The following KIAA1549L variants were observed in gnomAD, a reference collection of about 807,000 sequenced individuals.
KIAA1549L encodes UPF0606 protein KIAA1549L.
KIAA1549L carries 88 observed loss-of-function variants against 160.7 expected under a neutral mutation model. The ratio of observed to expected loss-of-function variants is 0.55; its 90% CI spans 0.46 to 0.65. The LOEUF is 0.65. KIAA1549L is among the 30% of genes least tolerant of loss of function. The pLI, the probability that KIAA1549L is intolerant of heterozygous loss-of-function variation, is 0.00. For synonymous variants in KIAA1549L, 950 were observed against 976.7 expected (o/e 0.97, Z 0.51); for missense variants, 2,258 against 2,437.5 (o/e 0.93, Z 1.55).
rs144505381 is a variant in KIAA1549L at position 33,462,976 on chromosome 11, G to A, written c.239-78826G>A. The stretch of plus-strand genomic sequence containing the variant: ...CGAGTAGCCAGGACTCCAGGTGTGC[G>A]CCACCATGCCTGGCTAATTCTTTTT... On this transcript the variant is annotated intron_variant, in intron 1 of 20. Transcript: ENST00000658780. 2.2e-3 allele frequency among the ~76,000 whole-genome samples: 338 copies of A among 152,040 alleles called. 1 individual carries two copies. Among genetic ancestry groups the A allele is most frequent in the African/African-American group, 7.6e-3 (314 of 41,478 alleles).
intron 16 of KIAA1549L, among the ~76,000 whole-genome samples, chr11:33,626,750 CCTT>C (rs1851124676): frequency 1.6e-5 from 1 of 63,554 alleles, no homozygotes; most frequent in Non-Finnish European, 3.0e-5. Context: ...CCCTTTATTT[CCTT>C]CTCCTGCCTA....
At chr11:33,381,189 TGACGATGCAAGTTTGTG>T (rs970657771) in intron 1 of KIAA1549L, among the ~76,000 whole-genome samples, 3 of 152,110 alleles carry the variant, frequency 2.0e-5, no homozygotes, top group African/African-American at 7.2e-5. Context: ...TGAGTAATAC[TGACGATGCAAGTTTGTG>T]GACCCCATTT....
rs894288286 is a variant in KIAA1549L at position 33,543,110 on chromosome 11, C to T, written c.1547C>T (p.Ser516Phe). ...TFLQPTENHA[S>F]PSPVPEMPTL... ...CTCCAGCCCACAGAGAATCATGCCT[C>T]CCCATCTCCTGTGCCAGAAATGCCC... Residue 516 changes from serine (S) to phenylalanine (F), a missense_variant, in exon 2 of 21, where the codon TCC becomes TTC. Physicochemically the swap from Ser to Phe is radical, Grantham distance 155. Transcript: ENST00000658780. The T allele has an allele frequency of 3.1e-6, 5 of 1,613,770 alleles. No homozygotes were observed. The Admixed American group carries it at 8.3e-5, about 27-fold the overall frequency.
chr11:33,481,890 AGCCCATG>A (rs1454144094), intron 1 of KIAA1549L, among the ~76,000 whole-genome samples: 1 of 152,206 alleles, frequency 6.6e-6, no homozygotes, highest in Non-Finnish European at 1.5e-5. Context: ...GCACCTTTTA[AGCCCATG>A]GGCTCATCCC....
At chr11:33,613,589 T>C (rs1312691359) in intron 15 of KIAA1549L, among the ~76,000 whole-genome samples, 5 of 152,104 alleles carry the variant, frequency 3.3e-5, no homozygotes, top group Admixed American at 6.6e-5. Flanking sequence ...AACAACCAGA[T>C]GTCGCGAGAA....
chr11:33,640,522 A>G (rs550590499), intron 16 of KIAA1549L, among the ~76,000 whole-genome samples: 2 of 152,242 alleles, frequency 1.3e-5, no homozygotes, highest in Non-Finnish European at 2.9e-5. Flanking sequence ...GAAGTGGAAG[A>G]AGGAGAAACT....
At chr11:33,513,515 TTTC>T (rs1275195308) in intron 1 of KIAA1549L, among the ~76,000 whole-genome samples, 1 of 152,174 alleles carries the variant, frequency 6.6e-6, no homozygotes, top group Non-Finnish European at 1.5e-5. Context: ...TTTCTTTCTG[TTTC>T]TTCTTCTCTC....
intron 15 of KIAA1549L, 90 bp downstream of exon 15, chr11:33,610,056 G>C: frequency 1.1e-6 from 1 of 932,446 alleles, no homozygotes; most frequent in Non-Finnish European, 1.7e-6. Flanking sequence ...TCCTTATCTG[G>C]TACTGTAGGA....
chr11:33,558,571 A>G (rs1685686745), intron 6 of KIAA1549L, among the ~76,000 whole-genome samples: 1 of 152,196 alleles, frequency 6.6e-6, no homozygotes, highest in African/African-American at 2.4e-5. Context: ...CGCAGCACAG[A>G]AATTCACAAA....
chr11:33,447,226 C>T (rs527914854), intron 1 of KIAA1549L, among the ~76,000 whole-genome samples: 2 of 149,452 alleles, frequency 1.3e-5, no homozygotes, highest in Admixed American at 6.6e-5. Context: ...ATAGCACACC[C>T]TGAACGCTTG....
chr11:33,403,425 G>A (rs373591157), intron 1 of KIAA1549L: 1,754 of 27,900 alleles, frequency 0.063, 18 homozygotes, highest in African/African-American at 0.098. Flanking sequence ...ACACAGACAC[G>A]CACACAGAGA....
chr11:33,408,656 G>C (rs1308429854), intron 1 of KIAA1549L, among the ~76,000 whole-genome samples: 1 of 151,102 alleles, frequency 6.6e-6, no homozygotes, highest in Non-Finnish European at 1.5e-5. Flanking sequence ...ACTTTCCTTG[G>C]TTAGGGAGTT....
chr11:33,487,294 G>A (rs183807969), intron 1 of KIAA1549L, among the ~76,000 whole-genome samples: 17 of 152,224 alleles, frequency 1.1e-4, no homozygotes, highest in African/African-American at 3.6e-4. Flanking sequence ...GGAGGGGTGG[G>A]ACTGTGAGAT....
intron 1 of KIAA1549L, among the ~76,000 whole-genome samples, chr11:33,488,038 A>G (rs1590281901): frequency 6.6e-6 from 1 of 152,146 alleles, no homozygotes; most frequent in East Asian, 1.9e-4. Flanking sequence ...TATGGATGTG[A>G]TCTTATTATC....
intron 15 of KIAA1549L, among the ~76,000 whole-genome samples, chr11:33,614,537 T>TCC (rs1235714076): frequency 0.031 from 120 of 3,826 alleles, 1 homozygote; most frequent in Non-Finnish European, 0.055. Flanking sequence ...ACAAGATATA[T>TCC]ATATATATAT....
At chr11:33,408,580 T>C (rs1850720590) in intron 1 of KIAA1549L, among the ~76,000 whole-genome samples, 1 of 150,904 alleles carries the variant, frequency 6.6e-6, no homozygotes, top group African/African-American at 2.4e-5. Context: ...TACACACAGA[T>C]GCCTCATGTG....
chr11:33,637,460 A>G (rs1250288397), intron 16 of KIAA1549L, among the ~76,000 whole-genome samples: 1 of 152,180 alleles, frequency 6.6e-6, no homozygotes, highest in Non-Finnish European at 1.5e-5. Context: ...AAGACCCTGC[A>G]TGATCTGGAC....
At chr11:33,591,644 C>T (rs1850058118) in intron 12 of KIAA1549L, among the ~76,000 whole-genome samples, 1 of 152,236 alleles carries the variant, frequency 6.6e-6, no homozygotes, top group Non-Finnish European at 1.5e-5. Context: ...ACCACAACAG[C>T]AGAGATTTAG....
chr11:33,569,092 T>G (rs575105286), intron 9 of KIAA1549L, among the ~76,000 whole-genome samples: 74 of 152,316 alleles, frequency 4.9e-4, no homozygotes, highest in African/African-American at 1.7e-3. Context: ...GCCAGTTCGT[T>G]GCACCTCTCA....
Sources: allele counts gnomAD v4.1 joint callset (sites outside exome capture counted in the v4.1 genomes callset), GRCh38; gene constraint gnomAD v4.1.1; transcripts MANE v1.5; gene names NCBI Gene and HGNC (gene_info 2026-07-23, HGNC 2026-07-21).